IGSF21: variants seen among roughly 807,000 people sequenced by gnomAD.
IGSF21 encodes immunoglobulin superfamily member 21.
In IGSF21, 28 loss-of-function variants were observed where a neutral mutation model predicts 46.8. The ratio of observed to expected loss-of-function variants is 0.60; its 90% CI spans 0.44 to 0.82. The LOEUF (loss-of-function observed/expected upper bound fraction) is 0.82, where lower values mean the gene tolerates loss of function less well. IGSF21 is among the 40% of genes least tolerant of loss of function. IGSF21 has a pLI of 0.00. For missense variants in IGSF21, 624 were observed against 665.5 expected (o/e 0.94, Z 0.69); for synonymous variants, 284 against 273.6 (o/e 1.04, Z -0.38).
intron 1 of IGSF21, among the ~76,000 whole-genome samples, chr1:18,138,921 G>T (rs1178043332): frequency 1.3e-5 from 2 of 152,180 alleles, no homozygotes; most frequent in Admixed American, 6.5e-5. Context: ...AGAGAGTCTG[G>T]GAGAGTTGGG....
intron 1 of IGSF21, among the ~76,000 whole-genome samples, chr1:18,180,209 G>A (rs1390694270): frequency 2.0e-5 from 3 of 152,216 alleles, no homozygotes; most frequent in Non-Finnish European, 4.4e-5. Context: ...CATGTGGCGA[G>A]GTGTAGATGT....
intron 2 of IGSF21, among the ~76,000 whole-genome samples, chr1:18,256,932 T>TCCACATCATTC (rs1241701894): frequency 3.9e-5 from 6 of 152,192 alleles, no homozygotes; most frequent in African/African-American, 1.4e-4. Flanking sequence ...ACTTCTTTAC[T>TCCACATCATTC]CCACATCATT....
chr1:18,205,217 C>G (rs1490656545), intron 1 of IGSF21, among the ~76,000 whole-genome samples: 1 of 151,828 alleles, frequency 6.6e-6, no homozygotes, highest in East Asian at 1.9e-4. Context: ...TTAACCATGG[C>G]TTTCTCTGTG....
At chr1:18,237,566 G>A (rs892564604) in intron 2 of IGSF21, among the ~76,000 whole-genome samples, 3 of 152,086 alleles carry the variant, frequency 2.0e-5, no homozygotes, top group African/African-American at 4.8e-5. Context: ...TCTCTTTTCC[G>A]CCTGGGCAAA....
chr1:18,252,171 C>T (rs1486665527), intron 2 of IGSF21, among the ~76,000 whole-genome samples: 1 of 151,334 alleles, frequency 6.6e-6, no homozygotes, highest in Non-Finnish European at 1.5e-5. Context: ...CTGCCTCAGC[C>T]TCCCAAGTAG....
intron 1 of IGSF21, among the ~76,000 whole-genome samples, chr1:18,164,666 C>T (rs2086660444): frequency 1.3e-5 from 2 of 151,930 alleles, no homozygotes; most frequent in South Asian, 4.2e-4. Context: ...ATTTGTATTT[C>T]TTTCTTCGCG....
intron 1 of IGSF21, among the ~76,000 whole-genome samples, chr1:18,206,402 A>C (rs2084326673): frequency 1.3e-5 from 2 of 152,062 alleles, no homozygotes; most frequent in South Asian, 4.2e-4. Flanking sequence ...ATAAAAAATT[A>C]ATTGGGTGTG....
At chr1:18,199,313 TAAAATG>T (rs2087043735) in intron 1 of IGSF21, among the ~76,000 whole-genome samples, 1 of 152,156 alleles carries the variant, frequency 6.6e-6, no homozygotes, top group Non-Finnish European at 1.5e-5. Flanking sequence ...GCATCATCTG[TAAAATG>T]AGGATAGTGC....
intron 2 of IGSF21, among the ~76,000 whole-genome samples, chr1:18,285,885 C>T (rs1005391001): frequency 6.6e-6 from 1 of 152,182 alleles, no homozygotes; most frequent in Non-Finnish European, 1.5e-5. Context: ...TGTATGCCAG[C>T]TATTGTTATT....
chr1:18,338,382 G>A (rs1398431040), intron 4 of IGSF21, among the ~76,000 whole-genome samples: 1 of 152,160 alleles, frequency 6.6e-6, no homozygotes, highest in Non-Finnish European at 1.5e-5. Flanking sequence ...AACGAGCAGA[G>A]GTCACTGAAC....
chr1:18,208,034 T>A (rs954890342), intron 1 of IGSF21, among the ~76,000 whole-genome samples: 3 of 152,114 alleles, frequency 2.0e-5, no homozygotes, highest in Non-Finnish European at 4.4e-5. Context: ...GACATGCCCC[T>A]GGGAGAGAGA....
chr1:18,147,437 C>CA (rs1417046781), intron 1 of IGSF21, among the ~76,000 whole-genome samples: 3 of 152,050 alleles, frequency 2.0e-5, no homozygotes, highest in Non-Finnish European at 4.4e-5. Context: ...CTGGGATGAT[C>CA]CTAAGACTAC....
At chr1:18,340,993 TC>T (rs1557651715) in intron 4 of IGSF21, among the ~76,000 whole-genome samples, 88 of 120,344 alleles carry the variant, frequency 7.3e-4, no homozygotes, top group African/African-American at 2.7e-3. Flanking sequence ...TCCTTCTTCT[TC>T]TCCTCCTCCT....
intron 1 of IGSF21, chr1:18,114,332 CTGT>C (rs1202413121): frequency 1.3e-5 from 2 of 152,252 alleles, no homozygotes; most frequent in Admixed American, 6.5e-5. Flanking sequence ...GTTCTGTTCA[CTGT>C]TGAGTCCTCC....
At position 18,285,529 on chromosome 1, in the gene IGSF21, T is replaced by A. The variant is rs116010368; in HGVS notation, c.184-6337T>A. The stretch of plus-strand genomic sequence containing the variant: ...GGGCAGCAAAGAGTCCTCAGTTTCC[T>A]CATGGAACATTTAGGGAAACTGGGT... On this transcript the variant is annotated intron_variant, in intron 2 of 9. Coordinates refer to ENST00000251296, the MANE Select transcript of IGSF21 (RefSeq NM_032880.5). Among the ~76,000 whole-genome samples, 1,025 of 152,258 alleles carry A rather than the reference T, an allele frequency of 6.7e-3. 3 individuals are homozygous for A. Among genetic ancestry groups the A allele is most frequent in the Middle Eastern group, 0.014 (4 of 294 alleles).
chr1:18,284,781 A>G (rs1422751584), intron 2 of IGSF21, among the ~76,000 whole-genome samples: 1 of 152,246 alleles, frequency 6.6e-6, no homozygotes, highest in Non-Finnish European at 1.5e-5. Context: ...GGCTGTTTAC[A>G]GCCAGGGAGC....
At chr1:18,356,923 A>G (rs899769414) in intron 4 of IGSF21, among the ~76,000 whole-genome samples, 35 of 150,948 alleles carry the variant, frequency 2.3e-4, no homozygotes, top group African/African-American at 7.6e-4. Context: ...AGAATAGGGG[A>G]TGGAGATTGA....
At chr1:18,239,019 AC>A (rs1218811571) in intron 2 of IGSF21, among the ~76,000 whole-genome samples, 3 of 151,782 alleles carry the variant, frequency 2.0e-5, no homozygotes, top group Non-Finnish European at 4.4e-5. Context: ...AGGTCAGGGC[AC>A]CCCCCAGCTG....
intron 2 of IGSF21, among the ~76,000 whole-genome samples, chr1:18,238,963 T>G (rs2084698842): frequency 6.6e-6 from 1 of 152,154 alleles, no homozygotes; most frequent in African/African-American, 2.4e-5. Flanking sequence ...CCCCGCTATC[T>G]TTTCCCCAGA....
Sources: allele counts gnomAD v4.1 joint callset (sites outside exome capture counted in the v4.1 genomes callset), GRCh38; gene constraint gnomAD v4.1.1; transcripts MANE v1.5; gene names NCBI Gene and HGNC (gene_info 2026-07-23, HGNC 2026-07-21).